The following CTNNA3 variants were observed in gnomAD, a reference collection of about 807,000 sequenced individuals.
CTNNA3 encodes the protein catenin alpha 3.
CTNNA3 carries 76 observed loss-of-function variants against 95.7 expected under a neutral mutation model. The observed-to-expected ratio is 0.79, with a 90% CI of 0.66 to 0.96. The LOEUF is 0.96. CTNNA3 is among the 40% of genes least tolerant of loss of function. The probability of loss-of-function intolerance (pLI) is 0.00; values close to 1 mark genes in which losing one functional copy is unlikely to be tolerated. For missense variants in CTNNA3, 1,191 were observed against 1,089.8 expected (o/e 1.09, Z -1.31); for synonymous variants, 431 against 374.4 (o/e 1.15, Z -1.74).
Position 67,209,271 on chromosome 10 carries a change from C to T in CTNNA3, c.843+10336G>A, listed in dbSNP as rs150065227. 3.4e-3 allele frequency among the ~76,000 whole-genome samples: 513 copies of T among 152,118 alleles called. 3 individuals are homozygous for T. The highest frequency in any genetic ancestry group is 0.012 in the African/African-American group (496 of 41,508). On this transcript the variant is annotated intron_variant, in intron 6 of 17. Coordinates refer to ENST00000433211, the MANE Select transcript of CTNNA3 (RefSeq NM_013266.4). The stretch of plus-strand genomic sequence containing the variant: ...ACTATGTTGGCCAGGCTGGTCTCGA[C>T]CTCCTAACCTCAGGTGATCCACCCG...
intron 7 of CTNNA3, among the ~76,000 whole-genome samples, chr10:66,834,071 G>C (rs945162998): frequency 5.3e-5 from 8 of 152,098 alleles, no homozygotes; most frequent in Non-Finnish European, 1.5e-5. Flanking sequence ...CAGCTCCTTG[G>C]TATGTCTCCC....
chr10:67,392,089 A>G (rs1347942068), intron 5 of CTNNA3, among the ~76,000 whole-genome samples: 2 of 152,218 alleles, frequency 1.3e-5, no homozygotes, highest in Non-Finnish European at 2.9e-5. Context: ...TCTGCACAGC[A>G]AAACAAACTA....
intron 7 of CTNNA3, among the ~76,000 whole-genome samples, chr10:66,794,410 C>G (rs1841108958): frequency 6.6e-6 from 1 of 152,172 alleles, no homozygotes; most frequent in African/African-American, 2.4e-5. Context: ...ACTTTAGCCT[C>G]TTAAGTATGC....
rs1490364427 is a variant in CTNNA3, at chr10:65,919,193, C to CACTAGACTCTAAGACTATT, written c.*1118_*1136dup. On this transcript the variant is annotated 3_prime_UTR_variant, in exon 18 of 18. Coordinates refer to ENST00000433211, the MANE Select transcript of CTNNA3 (RefSeq NM_013266.4). ...AGAGAGAGAATGACAGAGAGAGGTACACTAGACTCTAAGACTATTATGAAG... is the reference window on the plus strand; with the variant it reads ...AGAGAGAGAATGACAGAGAGAGGTACACTAGACTCTAAGACTATTACTAGACTCTAAGACTATTATGAAG... 1.3e-5 allele frequency: 2 copies of CACTAGACTCTAAGACTATT among 151,992 alleles called. No individual in the cohort carries two copies. Among genetic ancestry groups the CACTAGACTCTAAGACTATT allele is most frequent in the African/African-American group, 4.8e-5 (2 of 41,402 alleles). 9.4% of individuals were successfully genotyped at this position (151,992 alleles called of 1,614,324 possible). A position where few individuals can be genotyped will look rare whatever the true frequency, so the allele number is the denominator to read the frequency against.
At chr10:66,446,091 C>G (rs2093418576) in intron 11 of CTNNA3, among the ~76,000 whole-genome samples, 1 of 152,108 alleles carries the variant, frequency 6.6e-6, no homozygotes, top group Non-Finnish European at 1.5e-5. Flanking sequence ...GGATAAATTC[C>G]TTGACACATA....
At chr10:67,440,043 G>C (rs1008770295) in intron 5 of CTNNA3, among the ~76,000 whole-genome samples, 1 of 152,118 alleles carries the variant, frequency 6.6e-6, no homozygotes, top group African/African-American at 2.4e-5. Context: ...TGGGGTCCTT[G>C]AGTCCAGACC....
intron 13 of CTNNA3, among the ~76,000 whole-genome samples, chr10:66,167,597 T>C (rs529934490): frequency 1.3e-5 from 2 of 152,280 alleles, no homozygotes; most frequent in East Asian, 3.9e-4. Context: ...TTTGGCAAGG[T>C]AGAAAGTTAT....
chr10:66,067,125 A>G (rs934858660), intron 15 of CTNNA3, among the ~76,000 whole-genome samples: 2 of 152,170 alleles, frequency 1.3e-5, no homozygotes, highest in African/African-American at 4.8e-5. Context: ...AAATACTAGA[A>G]TCCTTCTCCA....
At chr10:66,719,797 C>T (rs1848568369) in intron 9 of CTNNA3, among the ~76,000 whole-genome samples, 1 of 152,084 alleles carries the variant, frequency 6.6e-6, no homozygotes, top group African/African-American at 2.4e-5. Flanking sequence ...AGGGACTTTG[C>T]TGTGGGAGAG....
At chr10:67,395,851 G>C (rs1844687979) in intron 5 of CTNNA3, among the ~76,000 whole-genome samples, 1 of 152,114 alleles carries the variant, frequency 6.6e-6, no homozygotes, top group African/African-American at 2.4e-5. Flanking sequence ...CAAGAAAGTA[G>C]AGGATTTCAG....
chr10:66,563,945 T>C (rs1185334521), intron 10 of CTNNA3, among the ~76,000 whole-genome samples: 2 of 152,092 alleles, frequency 1.3e-5, no homozygotes, highest in Non-Finnish European at 2.9e-5. Flanking sequence ...CAAACCAATG[T>C]ACATCTTATA....
chr10:66,572,291 G>A (rs1469751422), intron 10 of CTNNA3, among the ~76,000 whole-genome samples: 5 of 151,800 alleles, frequency 3.3e-5, no homozygotes, highest in Admixed American at 3.3e-4. Context: ...GCTGAAGCAG[G>A]AGAATCGCTT....
chr10:67,182,212 A>G (rs1372834312), intron 6 of CTNNA3, among the ~76,000 whole-genome samples: 1 of 152,170 alleles, frequency 6.6e-6, no homozygotes, highest in Non-Finnish European at 1.5e-5. Context: ...TATGGAACCA[A>G]AAAAGAGCCC....
chr10:66,179,011 A>G (rs1249067135), intron 13 of CTNNA3, among the ~76,000 whole-genome samples: 1 of 151,968 alleles, frequency 6.6e-6, no homozygotes, highest in Non-Finnish European at 1.5e-5. Context: ...TACAAAAACT[A>G]ACCATGCAAC....
chr10:67,470,968 T>G (rs1228650149), intron 5 of CTNNA3, among the ~76,000 whole-genome samples: 2 of 151,556 alleles, frequency 1.3e-5, no homozygotes, highest in African/African-American at 4.9e-5. Flanking sequence ...TTTTATTTAT[T>G]TATTTATTTA....
At chr10:66,321,482 T>TA (rs377039150) in intron 12 of CTNNA3, among the ~76,000 whole-genome samples, 2 of 152,236 alleles carry the variant, frequency 1.3e-5, no homozygotes, top group African/African-American at 2.4e-5. Context: ...GTGAAACTAA[T>TA]AAAAAACTCT....
chr10:67,709,620 G>T (rs922889276), intron 1 of CTNNA3, among the ~76,000 whole-genome samples: 1 of 110,454 alleles, frequency 9.1e-6, no homozygotes, highest in Admixed American at 1.1e-4. Context: ...CAACCCTCCC[G>T]CTCCATATCT....
intron 1 of CTNNA3, among the ~76,000 whole-genome samples, chr10:67,740,320 A>T (rs1171236030): frequency 2.0e-5 from 3 of 152,054 alleles, no homozygotes; most frequent in Non-Finnish European, 4.4e-5. Context: ...GATCTAATTA[A>T]ACTCAAGAGC....
At chr10:67,597,837 A>C (rs1458216511) in intron 3 of CTNNA3, among the ~76,000 whole-genome samples, 3 of 152,138 alleles carry the variant, frequency 2.0e-5, no homozygotes, top group Non-Finnish European at 4.4e-5. Context: ...GCTGCAGGTG[A>C]ATGCACACCA....
Sources: gnomAD v4.1 joint callset for allele counts (sites outside exome capture counted in the v4.1 genomes callset) on GRCh38, gnomAD v4.1.1 for gene constraint, MANE v1.5 for transcripts, NCBI Gene and HGNC (gene_info 2026-07-23, HGNC 2026-07-21) for gene names.